The following LOC128092252 variants were observed in gnomAD, a reference collection of about 807,000 sequenced individuals.
At chr15:50,673,297 G>A in the LOC128092252 span, among the ~76,000 whole-genome samples, 1 of 151,984 alleles carries the variant, frequency 6.6e-6, no homozygotes, top group Non-Finnish European at 1.5e-5. Context: ...ATAGGTTATT[G>A]GAAACAGGTA....
chr15:50,674,616 T>C, the LOC128092252 span, among the ~76,000 whole-genome samples: 2 of 152,220 alleles, frequency 1.3e-5, no homozygotes, highest in African/African-American at 4.8e-5. Context: ...TAACTCTATT[T>C]ACATTTACCA....
the LOC128092252 span, among the ~76,000 whole-genome samples, chr15:50,681,262 A>AATAC: frequency 1.9e-5 from 1 of 53,610 alleles, no homozygotes; most frequent in African/African-American, 1.4e-4. Flanking sequence ...AAAATAAATA[A>AATAC]ATACACACAC....
the LOC128092252 span, among the ~76,000 whole-genome samples, chr15:50,679,536 ATATTT>A: frequency 3.7e-3 from 182 of 48,944 alleles, 1 homozygote; most frequent in Non-Finnish European, 4.5e-3. Flanking sequence ...ATATATATAT[ATATTT>A]TTTTTTTTTT....
the LOC128092252 span, among the ~76,000 whole-genome samples, chr15:50,669,118 G>A: frequency 6.6e-6 from 1 of 152,144 alleles, no homozygotes; most frequent in Admixed American, 6.6e-5. Flanking sequence ...AAAGGTATTT[G>A]AGGGTACAAA....
the LOC128092252 span, among the ~76,000 whole-genome samples, chr15:50,676,429 A>C: frequency 6.6e-6 from 1 of 152,074 alleles, no homozygotes; most frequent in Non-Finnish European, 1.5e-5. Flanking sequence ...GACAAAAGAT[A>C]AAAAAGAGGC....
At chr15:50,666,041 C>T in the LOC128092252 span, among the ~76,000 whole-genome samples, 1 of 151,290 alleles carries the variant, frequency 6.6e-6, no homozygotes, top group East Asian at 1.9e-4. Context: ...AGCTAACTCT[C>T]GGACTTTAAA....
the LOC128092252 span, among the ~76,000 whole-genome samples, chr15:50,661,430 T>A: frequency 2.0e-5 from 3 of 152,214 alleles, no homozygotes; most frequent in South Asian, 6.2e-4. Context: ...AGTCTTAATG[T>A]ATTGAAACTC....
chr15:50,679,092 T>TC, the LOC128092252 span, among the ~76,000 whole-genome samples: 1 of 150,404 alleles, frequency 6.6e-6, no homozygotes, highest in Non-Finnish European at 1.5e-5. Context: ...CAGGATGGTC[T>TC]CGATCTCTTG....
the LOC128092252 span, among the ~76,000 whole-genome samples, chr15:50,662,527 A>G: frequency 1.3e-5 from 2 of 152,200 alleles, no homozygotes; most frequent in African/African-American, 4.8e-5. Flanking sequence ...GTATCTATAT[A>G]TTGGCAAACA....
At chr15:50,670,995 T>C in the LOC128092252 span, among the ~76,000 whole-genome samples, 3 of 152,150 alleles carry the variant, frequency 2.0e-5, no homozygotes, top group Non-Finnish European at 2.9e-5. Flanking sequence ...AGGGGGCTAC[T>C]ATACATTGCG....
the LOC128092252 span, among the ~76,000 whole-genome samples, chr15:50,677,576 T>TA: frequency 3.3e-4 from 50 of 151,000 alleles, no homozygotes; most frequent in Non-Finnish European, 5.8e-4. Flanking sequence ...CCATCCCTAC[T>TA]AAAAACACAA....
chr15:50,684,545 G>A, the LOC128092252 span, among the ~76,000 whole-genome samples: 2 of 151,998 alleles, frequency 1.3e-5, no homozygotes, highest in Non-Finnish European at 2.9e-5. Flanking sequence ...GGAGGCTGAG[G>A]CAGGAGAATC....
the LOC128092252 span, among the ~76,000 whole-genome samples, chr15:50,678,516 AAATATATAT>A: frequency 4.0e-5 from 4 of 99,330 alleles, no homozygotes; most frequent in Non-Finnish European, 8.2e-5. Flanking sequence ...TAAAAAAAAA[AAATATATAT>A]ATATATATAT....
At chr15:50,679,531 TATA>T in the LOC128092252 span, among the ~76,000 whole-genome samples, 1,258 of 53,272 alleles carry the variant, frequency 0.024, 28 homozygotes, top group Middle Eastern at 0.077. Flanking sequence ...TATATATATA[TATA>T]TATATTTTTT....
chr15:50,669,710 G>GT, the LOC128092252 span, among the ~76,000 whole-genome samples: 35 of 152,036 alleles, frequency 2.3e-4, no homozygotes, highest in Admixed American at 1.9e-3. Flanking sequence ...AGTTGTTTGA[G>GT]TTTTTTTCCT....
At chr15:50,649,029 G>C in the LOC128092252 span, 1 of 526,518 alleles carries the variant, frequency 1.9e-6, no homozygotes, top group East Asian at 3.3e-5. Context: ...TTTGATTTTA[G>C]GATATCTATA....
the LOC128092252 span, among the ~76,000 whole-genome samples, chr15:50,669,857 T>C: frequency 6.6e-6 from 1 of 152,148 alleles, no homozygotes; most frequent in Non-Finnish European, 1.5e-5. Flanking sequence ...CAATCAGCGA[T>C]CCCTTATCAG....
chr15:50,665,796 A>ACCAG, the LOC128092252 span, among the ~76,000 whole-genome samples: 1 of 152,132 alleles, frequency 6.6e-6, no homozygotes, highest in African/African-American at 2.4e-5. Flanking sequence ...GGAGCTCAAG[A>ACCAG]CCAGCCTGAC....
the LOC128092252 span, among the ~76,000 whole-genome samples, chr15:50,679,501 GTATATATATAATATATATATATA>G: frequency 8.3e-5 from 7 of 84,626 alleles, no homozygotes; most frequent in African/African-American, 3.1e-4. Context: ...ATATATATGT[GTATATATATAATATATATATATA>G]TATATATATA....
Sources: allele counts gnomAD v4.1 joint callset (sites outside exome capture counted in the v4.1 genomes callset), GRCh38; gene constraint gnomAD v4.1.1; transcripts MANE v1.5.